Variants in NCAM2 observed in about 807,000 individuals in gnomAD.
NCAM2 encodes N-CAM-2.
Under a neutral mutation model 98.1 loss-of-function variants are expected in NCAM2, and 30 were observed. That is an observed-to-expected ratio of 0.31 (90% CI 0.23 to 0.41). NCAM2 has a LOEUF of 0.41. Ranked by LOEUF, NCAM2 falls within the 10% of genes least tolerant of loss-of-function variation. The pLI, the probability that NCAM2 is intolerant of heterozygous loss-of-function variation, is 1.00. For missense variants in NCAM2, 867 were observed against 1,005.8 expected (o/e 0.86, Z 1.87); for synonymous variants, 368 against 342.4 (o/e 1.07, Z -0.83).
At chr21:21,497,624 G>C (rs1462552261) in intron 15 of NCAM2, among the ~76,000 whole-genome samples, 1 of 152,036 alleles carries the variant, frequency 6.6e-6, no homozygotes, top group Non-Finnish European at 1.5e-5. Context: ...TTATTTATAC[G>C]TGTAACAACA....
intron 1 of NCAM2, among the ~76,000 whole-genome samples, chr21:21,222,810 C>T (rs962902870): frequency 4.6e-5 from 7 of 152,256 alleles, no homozygotes; most frequent in African/African-American, 1.7e-4. Context: ...AGAGGACTGA[C>T]TCTCATTTTC....
intron 1 of NCAM2, among the ~76,000 whole-genome samples, chr21:21,017,424 C>CAAAAAAAAAAAAAAAAAA (rs11461275): frequency 1.7e-5 from 1 of 58,778 alleles, no homozygotes; most frequent in Non-Finnish European, 2.7e-5. Flanking sequence ...GACTCTGTCT[C>CAAAAAAAAAAAAAAAAAA]AAAAAAAAAA....
At chr21:21,188,085 A>G (rs1251032836) in intron 1 of NCAM2, among the ~76,000 whole-genome samples, 1 of 152,128 alleles carries the variant, frequency 6.6e-6, no homozygotes, top group Non-Finnish European at 1.5e-5. Flanking sequence ...GCCTGGTTAC[A>G]TGTAATTTAA....
intron 1 of NCAM2, among the ~76,000 whole-genome samples, chr21:21,041,782 C>G (rs2064910527): frequency 6.6e-6 from 1 of 152,122 alleles, no homozygotes; most frequent in Non-Finnish European, 1.5e-5. Context: ...ATGTGTGTGT[C>G]TATTCACAAA....
intron 1 of NCAM2, among the ~76,000 whole-genome samples, chr21:21,063,334 T>C (rs62209025): frequency 0.18 from 26,751 of 146,706 alleles, 2,600 homozygotes; most frequent in African/African-American, 0.19. Context: ...TTCTCTTGCC[T>C]CTCAGCCTCC....
intron 1 of NCAM2, among the ~76,000 whole-genome samples, chr21:21,220,403 A>G (rs1255249376): frequency 6.6e-6 from 1 of 152,188 alleles, no homozygotes; most frequent in African/African-American, 2.4e-5. Context: ...ATTCCGTACA[A>G]TAATACGCTA....
intron 12 of NCAM2, among the ~76,000 whole-genome samples, chr21:21,440,725 A>T (rs1569066346): frequency 1.3e-5 from 2 of 150,694 alleles, no homozygotes; most frequent in Non-Finnish European, 3.0e-5. Context: ...AAAAACAGAG[A>T]AGGAGAGAAA....
chr21:21,449,310 G>T (rs1260529478), intron 12 of NCAM2, among the ~76,000 whole-genome samples: 2 of 151,646 alleles, frequency 1.3e-5, no homozygotes, highest in Non-Finnish European at 2.9e-5. Flanking sequence ...TATTTCATGA[G>T]TGTTTTATAG....
intron 1 of NCAM2, among the ~76,000 whole-genome samples, chr21:21,091,972 T>C (rs929791726): frequency 6.6e-6 from 1 of 152,130 alleles, no homozygotes; most frequent in Admixed American, 6.6e-5. Flanking sequence ...CCTCTGTTTT[T>C]AGTACTTAAA....
intron 1 of NCAM2, among the ~76,000 whole-genome samples, chr21:21,082,291 AAAAC>A (rs1218501955): frequency 1.4e-5 from 2 of 140,054 alleles, no homozygotes; most frequent in Non-Finnish European, 3.2e-5. Flanking sequence ...CAAAAAAAAA[AAAAC>A]AAAACAAAAA....
chr21:21,330,785 G>T (rs1168669187), intron 6 of NCAM2, among the ~76,000 whole-genome samples: 1 of 151,878 alleles, frequency 6.6e-6, no homozygotes, highest in Admixed American at 6.6e-5. Flanking sequence ...TTATTTAAGG[G>T]CTTTAAGGAT....
chr21:21,212,890 C>T (rs1297569143), intron 1 of NCAM2, among the ~76,000 whole-genome samples: 1 of 151,818 alleles, frequency 6.6e-6, no homozygotes, highest in Non-Finnish European at 1.5e-5. Flanking sequence ...CTACAGGTAC[C>T]CGACACCACG....
chr21:21,006,859 T>G (rs900444259), intron 1 of NCAM2, among the ~76,000 whole-genome samples: 1 of 152,202 alleles, frequency 6.6e-6, no homozygotes, highest in Non-Finnish European at 1.5e-5. Flanking sequence ...ATAGTTTGCA[T>G]TTTAAAGTGA....
At chr21:21,035,639 G>A (rs1310384188) in intron 1 of NCAM2, among the ~76,000 whole-genome samples, 1 of 151,844 alleles carries the variant, frequency 6.6e-6, no homozygotes, top group East Asian at 1.9e-4. Flanking sequence ...TTTTTCCATT[G>A]AATTTCTTGA....
At chr21:21,143,730 A>G (rs542084624) in intron 1 of NCAM2, among the ~76,000 whole-genome samples, 2 of 150,768 alleles carry the variant, frequency 1.3e-5, no homozygotes, top group South Asian at 4.2e-4. Flanking sequence ...TTCATGCACC[A>G]AAAACGCATT....
In NCAM2 at chr21:21,537,861, GGAA is replaced by G. The variant is rs768179571; in HGVS notation, c.2424_2426del (p.Glu808del). ...TATCTTCCAGAAAATTGCCTTTAAAGGAAGAAGATGGGAAAGAAGCTCTAAATC... is the reference window on the plus strand; with the variant it reads ...TATCTTCCAGAAAATTGCCTTTAAAGGAAGATGGGAAAGAAGCTCTAAATC... On this transcript the variant is annotated inframe_deletion, in exon 18 of 18. Coordinates refer to ENST00000400546, the MANE Select transcript of NCAM2 (RefSeq NM_004540.5). The G allele has an allele frequency of 1.3e-6, 2 of 1,547,488 alleles. No homozygotes were observed. Among genetic ancestry groups the G allele is most frequent in the East Asian group, 2.3e-5 (1 of 43,726 alleles).
chr21:21,417,380 C>A (rs1044358899), intron 10 of NCAM2, among the ~76,000 whole-genome samples: 1 of 152,000 alleles, frequency 6.6e-6, no homozygotes, highest in Non-Finnish European at 1.5e-5. Flanking sequence ...TGATCTGTTT[C>A]TAGATGGACA....
At chr21:21,315,075 G>A (rs937801725) in intron 5 of NCAM2, among the ~76,000 whole-genome samples, 1 of 151,690 alleles carries the variant, frequency 6.6e-6, no homozygotes, top group African/African-American at 2.4e-5. Flanking sequence ...CACTTTTTTT[G>A]TTGTTTTTGT....
At chr21:21,134,631 G>A (rs938547762) in intron 1 of NCAM2, among the ~76,000 whole-genome samples, 1 of 151,548 alleles carries the variant, frequency 6.6e-6, no homozygotes, top group Non-Finnish European at 1.5e-5. Context: ...ATGAGATATA[G>A]TCTTTAGATT....
Sources: gnomAD v4.1 joint callset for allele counts (sites outside exome capture counted in the v4.1 genomes callset) on GRCh38, gnomAD v4.1.1 for gene constraint, MANE v1.5 for transcripts, NCBI Gene and HGNC (gene_info 2026-07-23, HGNC 2026-07-21) for gene names.